The following CTNNA3 variants were observed in gnomAD, a reference collection of about 807,000 sequenced individuals.
The protein encoded by CTNNA3 is catenin alpha 3.
CTNNA3 carries 76 observed loss-of-function variants against 95.7 expected under a neutral mutation model. The ratio of observed to expected loss-of-function variants is 0.79; its 90% CI spans 0.66 to 0.96. CTNNA3 has a LOEUF of 0.96. Among genes scored for constraint, CTNNA3 ranks in the 40% least tolerant of loss-of-function variants. The pLI, the probability that CTNNA3 is intolerant of heterozygous loss-of-function variation, is 0.00. For missense variants in CTNNA3, 1,191 were observed against 1,089.8 expected, an observed-to-expected ratio of 1.09 and a Z score of -1.31; for synonymous variants, 431 against 374.4, an observed-to-expected ratio of 1.15 and a Z score of -1.74.
intron 13 of CTNNA3, among the ~76,000 whole-genome samples, chr10:66,259,300 C>A (rs975157166): frequency 6.6e-6 from 1 of 152,120 alleles, no homozygotes; most frequent in African/African-American, 2.4e-5. Context: ...CACTCACTAT[C>A]CCCTTTCAGC....
intron 11 of CTNNA3, among the ~76,000 whole-genome samples, chr10:66,452,409 T>G (rs7084917): frequency 1.3e-5 from 2 of 151,826 alleles, no homozygotes; most frequent in South Asian, 4.1e-4. Flanking sequence ...ATTATGACAG[T>G]GAAATAAATC....
At chr10:66,206,620 A>G (rs1383844549) in intron 13 of CTNNA3, among the ~76,000 whole-genome samples, 2 of 151,962 alleles carry the variant, frequency 1.3e-5, no homozygotes, top group African/African-American at 4.8e-5. Flanking sequence ...TAGGTTTTAT[A>G]TAATTTTAAC....
At chr10:66,429,067 G>C (rs2093271545) in intron 11 of CTNNA3, among the ~76,000 whole-genome samples, 1 of 151,776 alleles carries the variant, frequency 6.6e-6, no homozygotes, top group Non-Finnish European at 1.5e-5. Context: ...AATGATAAAG[G>C]GGATATCACC....
intron 3 of CTNNA3, among the ~76,000 whole-genome samples, chr10:67,594,737 A>T (rs12766893): frequency 1.2e-4 from 18 of 152,020 alleles, no homozygotes; most frequent in Non-Finnish European, 2.6e-4. Flanking sequence ...TTTTTAAAAA[A>T]ATTATTTCCA....
chr10:67,340,902 T>C (rs913690344), intron 5 of CTNNA3, among the ~76,000 whole-genome samples: 5 of 152,338 alleles, frequency 3.3e-5, no homozygotes, highest in South Asian at 4.1e-4. Flanking sequence ...TACATTTTTT[T>C]CAACTTTTAC....
chr10:67,538,095 ATCT>A (rs907550480), intron 4 of CTNNA3, among the ~76,000 whole-genome samples: 24 of 149,994 alleles, frequency 1.6e-4, no homozygotes, highest in African/African-American at 5.7e-4. Context: ...TCACCTACAA[ATCT>A]TCTAGTCAAC....
At chr10:67,647,341 C>A (rs1839746831) in intron 2 of CTNNA3, 74 bp downstream of exon 2, 1 of 1,066,016 alleles carries the variant, frequency 9.4e-7, no homozygotes, top group Non-Finnish European at 1.4e-6. Flanking sequence ...TTTTATTCTT[C>A]ATTATTCATT....
intron 5 of CTNNA3, among the ~76,000 whole-genome samples, chr10:67,328,280 T>C (rs1195586195): frequency 2.6e-5 from 4 of 152,058 alleles, no homozygotes; most frequent in Non-Finnish European, 1.5e-5. Context: ...GTGCAGAAGC[T>C]ATGGTGTGGG....
intron 15 of CTNNA3, among the ~76,000 whole-genome samples, chr10:65,999,930 A>C (rs1472908944): frequency 7.0e-5 from 8 of 114,540 alleles, no homozygotes; most frequent in Admixed American, 1.9e-4. Context: ...TAATAATCAA[A>C]AAAAAAAAAA....
At chr10:67,244,097 C>G (rs1165698017) in intron 5 of CTNNA3, among the ~76,000 whole-genome samples, 1 of 152,176 alleles carries the variant, frequency 6.6e-6, no homozygotes, top group African/African-American at 2.4e-5. Flanking sequence ...AAGGAAATCA[C>G]AACTGCAAAA....
chr10:66,125,800 A>G (rs1469659540), intron 13 of CTNNA3, among the ~76,000 whole-genome samples: 3 of 152,208 alleles, frequency 2.0e-5, no homozygotes, highest in African/African-American at 7.2e-5. Context: ...GAAAAGAACA[A>G]AACTAGAGGA....
intron 9 of CTNNA3, among the ~76,000 whole-genome samples, chr10:66,629,193 A>C (rs80151762): frequency 0.023 from 3,486 of 152,166 alleles, 140 homozygotes; most frequent in African/African-American, 0.08. Flanking sequence ...AGAGACAACC[A>C]TGCTAATCAT....
At chr10:66,197,375 TATCTATC>T (rs887176771) in intron 13 of CTNNA3, among the ~76,000 whole-genome samples, 17 of 149,774 alleles carry the variant, frequency 1.1e-4, no homozygotes, top group African/African-American at 4.1e-4. Context: ...TCTATCTATC[TATCTATC>T]ATCTATCTAT....
intron 7 of CTNNA3, among the ~76,000 whole-genome samples, chr10:66,817,939 T>TATG (rs1842152612): frequency 6.6e-6 from 1 of 152,064 alleles, no homozygotes; most frequent in Non-Finnish European, 1.5e-5. Flanking sequence ...AAGCTTATAC[T>TATG]ATGACCAAGT....
chr10:66,564,640 A>G (rs1310700681), intron 10 of CTNNA3, among the ~76,000 whole-genome samples: 2 of 152,168 alleles, frequency 1.3e-5, no homozygotes, highest in East Asian at 1.9e-4. Flanking sequence ...CTTGAAAAGC[A>G]CGGACTCTTT....
At chr10:66,019,276 T>A (rs1047919072) in intron 15 of CTNNA3, among the ~76,000 whole-genome samples, 3 of 152,158 alleles carry the variant, frequency 2.0e-5, no homozygotes, top group Admixed American at 2.0e-4. Flanking sequence ...CTATGTTTTA[T>A]AAAAACAACT....
At chr10:67,203,856 C>T (rs1432206898) in intron 6 of CTNNA3, among the ~76,000 whole-genome samples, 2 of 152,138 alleles carry the variant, frequency 1.3e-5, no homozygotes, top group East Asian at 3.9e-4. Flanking sequence ...TATCTTCTCA[C>T]CTGTTGCAGA....
intron 11 of CTNNA3, among the ~76,000 whole-genome samples, chr10:66,505,477 A>G (rs1355794165): frequency 6.6e-6 from 1 of 152,180 alleles, no homozygotes; most frequent in Non-Finnish European, 1.5e-5. Context: ...CTCAGGGGAA[A>G]AAAATCTTAC....
intron 13 of CTNNA3, among the ~76,000 whole-genome samples, chr10:66,219,819 G>A (rs898212642): frequency 1.3e-5 from 2 of 152,120 alleles, no homozygotes; most frequent in African/African-American, 2.4e-5. Flanking sequence ...CTACTACTGT[G>A]ATTAATAAGA....
Sources: gnomAD v4.1 joint callset for allele counts (sites outside exome capture counted in the v4.1 genomes callset) on GRCh38, gnomAD v4.1.1 for gene constraint, MANE v1.5 for transcripts, NCBI Gene and HGNC (gene_info 2026-07-23, HGNC 2026-07-21) for gene names.